The following NEGR1 variants were observed in gnomAD, a reference collection of about 807,000 sequenced individuals.
NEGR1 encodes neuronal growth regulator 1, also known as IgLON family member 4.
Under a neutral mutation model 40.9 loss-of-function variants are expected in NEGR1, and 10 were observed. The ratio of observed to expected loss-of-function variants is 0.24; its 90% CI spans 0.15 to 0.42. The LOEUF (loss-of-function observed/expected upper bound fraction) is 0.42. Ranked by LOEUF, NEGR1 falls within the 10% of genes least tolerant of loss-of-function variation. NEGR1 has a pLI of 1.00. For synonymous variants in NEGR1, 185 were observed against 166.8 expected (o/e 1.11, Z -0.84); for missense variants, 352 against 438.9 (o/e 0.80, Z 1.77).
At chr1:72,215,900 C>A (rs543272046) in intron 1 of NEGR1, among the ~76,000 whole-genome samples, 3 of 151,712 alleles carry the variant, frequency 2.0e-5, no homozygotes, top group Non-Finnish European at 2.9e-5. Flanking sequence ...CTATAAAGAC[C>A]CATGCACACG....
intron 2 of NEGR1, among the ~76,000 whole-genome samples, chr1:71,826,818 T>A (rs1190825931): frequency 6.6e-6 from 1 of 151,942 alleles, no homozygotes; most frequent in Non-Finnish European, 1.5e-5. Flanking sequence ...AATGTTAAAA[T>A]GAAATGACTC....
chr1:71,460,259 T>A (rs2101342564), intron 6 of NEGR1, among the ~76,000 whole-genome samples: 1 of 152,308 alleles, frequency 6.6e-6, no homozygotes, highest in Non-Finnish European at 1.5e-5. Context: ...TCGGTCCAAG[T>A]ACAAGCTCTG....
chr1:71,962,526 A>G (rs1358689462), intron 1 of NEGR1, among the ~76,000 whole-genome samples: 2 of 152,100 alleles, frequency 1.3e-5, no homozygotes, highest in African/African-American at 2.4e-5. Flanking sequence ...GCCTGCAATC[A>G]TTCGTATAAT....
chr1:71,744,508 A>G (rs1277258674), intron 3 of NEGR1, among the ~76,000 whole-genome samples: 3 of 152,038 alleles, frequency 2.0e-5, no homozygotes, highest in African/African-American at 4.8e-5. Context: ...CATGGAGCCA[A>G]TAAAAAGCCC....
chr1:71,820,199 C>T (rs1570392467), intron 2 of NEGR1, among the ~76,000 whole-genome samples: 1 of 151,966 alleles, frequency 6.6e-6, no homozygotes, highest in African/African-American at 2.4e-5. Context: ...AATAAACAGA[C>T]TGCCAACATG....
At chr1:71,733,491 T>A (rs1654951778) in intron 3 of NEGR1, among the ~76,000 whole-genome samples, 1 of 152,200 alleles carries the variant, frequency 6.6e-6, no homozygotes, top group Non-Finnish European at 1.5e-5. Context: ...CCATCATGCC[T>A]CCAGTTTGTT....
At chr1:71,869,653 A>G (rs952624536) in intron 2 of NEGR1, among the ~76,000 whole-genome samples, 2 of 152,274 alleles carry the variant, frequency 1.3e-5, no homozygotes, top group African/African-American at 4.8e-5. Context: ...TTTCCCAAAC[A>G]ATATTTGTAT....
intron 1 of NEGR1, among the ~76,000 whole-genome samples, chr1:72,005,324 G>A (rs950744117): frequency 4.7e-4 from 72 of 151,974 alleles, no homozygotes; most frequent in African/African-American, 1.5e-3. Flanking sequence ...TTAACGCCAC[G>A]CTATATATAA....
chr1:72,204,055 G>T (rs1415310680), intron 1 of NEGR1, among the ~76,000 whole-genome samples: 1 of 152,016 alleles, frequency 6.6e-6, no homozygotes, highest in African/African-American at 2.4e-5. Flanking sequence ...TTGCTTTATT[G>T]TGGTGATCTA....
At chr1:71,791,431 C>T (rs188347167) in intron 2 of NEGR1, among the ~76,000 whole-genome samples, 152 of 152,054 alleles carry the variant, frequency 1.0e-3, no homozygotes, top group African/African-American at 3.4e-3. Flanking sequence ...TCAATCTGAA[C>T]GTGGCCACAG....
intron 5 of NEGR1, among the ~76,000 whole-genome samples, chr1:71,602,136 C>G (rs892403181): frequency 6.6e-6 from 1 of 151,868 alleles, no homozygotes; most frequent in African/African-American, 2.4e-5. Flanking sequence ...GCCCTAACTC[C>G]TGTTATACCT....
At chr1:71,427,767 C>A (rs940682380) in intron 6 of NEGR1, among the ~76,000 whole-genome samples, 21 of 152,090 alleles carry the variant, frequency 1.4e-4, no homozygotes, top group Admixed American at 9.2e-4. Context: ...ATTTTGCCAA[C>A]TGTAAAATAA....
At chr1:72,239,616 G>T (rs1049147501) in intron 1 of NEGR1, among the ~76,000 whole-genome samples, 2 of 151,624 alleles carry the variant, frequency 1.3e-5, no homozygotes, top group African/African-American at 4.8e-5. Flanking sequence ...CAAGAAAATT[G>T]CAAAGTTTCT....
intron 3 of NEGR1, among the ~76,000 whole-genome samples, chr1:71,752,903 A>G (rs1017208709): frequency 2.0e-5 from 3 of 152,172 alleles, no homozygotes; most frequent in Non-Finnish European, 2.9e-5. Flanking sequence ...TTTGATGTGA[A>G]AATTATTCTA....
At chr1:71,857,960 T>G (rs1659835170) in intron 2 of NEGR1, among the ~76,000 whole-genome samples, 1 of 152,064 alleles carries the variant, frequency 6.6e-6, no homozygotes, top group Non-Finnish European at 1.5e-5. Context: ...TTCCTTTCCC[T>G]GGGGATATTC....
Position 71,688,325 on chromosome 1 carries a change from T to TATATATAGATAG in NEGR1, c.667+9682_667+9683insCTATCTATATAT, listed in dbSNP as rs1475341609. Among the ~76,000 whole-genome samples the TATATATAGATAG allele has an allele frequency of 5.4e-4, 56 of 103,208 alleles. 4 individuals carry two copies. The highest frequency in any genetic ancestry group is 1.2e-3 in the African/African-American group (31 of 26,762). 67.7% of individuals were successfully genotyped at this position (103,208 alleles called of 152,430 possible). On this transcript the variant is annotated intron_variant, in intron 4 of 6. Transcript: ENST00000357731. ...TTCCCTTTTCATATATATATATATA[T>TATATATAGATAG]ATAGATAGATAGATAGATAGATAGA...
chr1:71,853,551 C>T (rs1659673609), intron 2 of NEGR1, among the ~76,000 whole-genome samples: 1 of 151,952 alleles, frequency 6.6e-6, no homozygotes, highest in Non-Finnish European at 1.5e-5. Context: ...ATGTAGCACA[C>T]TAGGGATTTG....
intron 2 of NEGR1, among the ~76,000 whole-genome samples, chr1:71,921,732 A>G (rs1645722452): frequency 7.1e-6 from 1 of 141,580 alleles, no homozygotes; most frequent in Non-Finnish European, 1.5e-5. Context: ...ATATATATAT[A>G]TAGAATACCA....
intron 4 of NEGR1, among the ~76,000 whole-genome samples, chr1:71,678,893 C>T (rs1019978177): frequency 5.9e-5 from 9 of 151,988 alleles, no homozygotes; most frequent in Non-Finnish European, 1.2e-4. Flanking sequence ...GGCAGCCGAG[C>T]AAACAGAGGC....
Sources: gnomAD v4.1 joint callset for allele counts (sites outside exome capture counted in the v4.1 genomes callset) on GRCh38, gnomAD v4.1.1 for gene constraint, MANE v1.5 for transcripts, NCBI Gene and HGNC (gene_info 2026-07-23, HGNC 2026-07-21) for gene names.